Variants in PMFBP1 observed in about 807,000 individuals in gnomAD.
PMFBP1 encodes the protein polyamine-modulated factor 1-binding protein 1.
In PMFBP1, 131 loss-of-function variants were observed where a neutral mutation model predicts 137.8. That is an observed-to-expected ratio of 0.95 (90% CI 0.82 to 1.10). The LOEUF is 1.10. Ranked by LOEUF, PMFBP1 falls within the 50% of genes least tolerant of loss-of-function variation. The pLI is 0.00. For synonymous variants in PMFBP1, 490 were observed against 450.4 expected, an observed-to-expected ratio of 1.09 and a Z score of -1.11; for missense variants, 1,199 against 1,175.4, an observed-to-expected ratio of 1.02 and a Z score of -0.29.
At chr16:72,132,143 G>C (rs4788610) in intron 10 of PMFBP1, among the ~76,000 whole-genome samples, 91,595 of 152,082 alleles carry the variant, frequency 0.6, 28,526 homozygotes, top group African/African-American at 0.75. Flanking sequence ...CCGTGCCTGG[G>C]AAATTCACCC....
rs138147953 is a variant in PMFBP1, at chr16:72,130,226, C to T, written c.1769G>A (p.Arg590His). 47 of 1,613,106 alleles carry T rather than the reference C, an allele frequency of 2.9e-5. No homozygotes were observed. The Admixed American group carries it at 6.0e-4, about 21-fold the overall frequency. Residue 590 changes from arginine (R) to histidine (H), a missense_variant, in exon 12 of 21, where the codon CGT (arginine) becomes CAT (histidine). Physicochemically the swap from Arg to His is conservative, Grantham distance 29. Coordinates refer to ENST00000237353, the MANE Select transcript of PMFBP1 (RefSeq NM_031293.3). ...QDMKMNDMLD[R>H]IKHQHREQGS... ...TGCCCGTCATACCTGGTGCTTGATA[C>T]GATCAAGCATGTCATTCATTTTCAT...
At chr16:72,210,614 T>C in the PMFBP1 span, among the ~76,000 whole-genome samples, 1 of 152,182 alleles carries the variant, frequency 6.6e-6, no homozygotes, top group Non-Finnish European at 1.5e-5. Context: ...ATATTCTTTT[T>C]CAAGCTTTGC....
intron 4 of PMFBP1, among the ~76,000 whole-genome samples, chr16:72,151,242 T>C (rs749020487): frequency 2.9e-4 from 44 of 152,218 alleles, no homozygotes; most frequent in Non-Finnish European, 5.3e-4. Context: ...CACACAGGAC[T>C]ATGTCAGGAA....
chr16:72,232,812 T>A, the PMFBP1 span, among the ~76,000 whole-genome samples: 1 of 152,098 alleles, frequency 6.6e-6, no homozygotes, highest in Non-Finnish European at 1.5e-5. Flanking sequence ...GGAGTTCTGG[T>A]CAGCAAACAT....
intron 9 of PMFBP1, among the ~76,000 whole-genome samples, chr16:72,135,376 T>TG (rs1320124942): frequency 3.6e-4 from 53 of 148,190 alleles, no homozygotes; most frequent in Admixed American, 8.1e-4. Context: ...TTTTTTTTTT[T>TG]TTGTTGTTGT....
chr16:72,236,409 GCTCAAAGGAA>G, the PMFBP1 span, among the ~76,000 whole-genome samples: 1 of 152,186 alleles, frequency 6.6e-6, no homozygotes, highest in African/African-American at 2.4e-5. Flanking sequence ...GAAAGAGAGA[GCTCAAAGGAA>G]CTTGCTAGTT....
the PMFBP1 span, among the ~76,000 whole-genome samples, chr16:72,231,757 A>T: frequency 6.6e-6 from 1 of 152,164 alleles, no homozygotes; most frequent in Admixed American, 6.6e-5. Flanking sequence ...CTGCTGCAAA[A>T]TTTTCTAAGT....
the PMFBP1 span, among the ~76,000 whole-genome samples, chr16:72,213,271 C>T: frequency 2.6e-5 from 4 of 152,148 alleles, no homozygotes; most frequent in African/African-American, 9.7e-5. Context: ...CCCCGTAGTC[C>T]TTTCTTCTAT....
chr16:72,237,254 G>T, the PMFBP1 span, among the ~76,000 whole-genome samples: 1 of 152,154 alleles, frequency 6.6e-6, no homozygotes, highest in Non-Finnish European at 1.5e-5. Flanking sequence ...GTTAGGTTCT[G>T]GTTCTGCTCT....
intron 17 of PMFBP1, 145 bp downstream of exon 17, chr16:72,124,622 C>G: frequency 1.0e-6 from 1 of 990,428 alleles, no homozygotes; most frequent in Non-Finnish European, 1.5e-6. Flanking sequence ...AGCTGTGGCT[C>G]TTGCTTTGTG....
In PMFBP1 at chr16:72,122,915, C is replaced by A; in HGVS notation, c.2767G>T (p.Asp923Tyr). 1 of 1,612,982 alleles carries A rather than the reference C, an allele frequency of 6.2e-7. No individual in the cohort carries two copies. Among genetic ancestry groups the A allele is most frequent in the South Asian group, 1.1e-5 (1 of 91,050 alleles). ...KYIAKLSGEK[D>Y]HLHSVMVHLQ... The stretch of plus-strand genomic sequence containing the variant: ...CCAGGGTGGTTTAAGATGACTTACT[C>A]CTTTTCGCCACTCAGCTTGGCAATG... The change falls in exon 19 of 21, where the codon GAC becomes TAC. Residue 923 changes from aspartate to tyrosine, a missense_variant and splice_region_variant. By Grantham distance (160) the Asp-to-Tyr change is radical (BLOSUM62 -3). Coordinates refer to ENST00000237353, the MANE Select transcript of PMFBP1 (RefSeq NM_031293.3).
chr16:72,196,377 C>A, the PMFBP1 span, among the ~76,000 whole-genome samples: 1 of 152,178 alleles, frequency 6.6e-6, no homozygotes, highest in South Asian at 2.1e-4. Context: ...AGAACTGGCA[C>A]TTCTCTGGCC....
chr16:72,190,436 C>T, the PMFBP1 span, among the ~76,000 whole-genome samples: 83,103 of 152,098 alleles, frequency 0.55, 23,020 homozygotes, highest in South Asian at 0.64. Context: ...CTTCTGACCT[C>T]AGTGAACACA....
the PMFBP1 span, among the ~76,000 whole-genome samples, chr16:72,240,973 G>C: frequency 6.6e-6 from 1 of 151,924 alleles, no homozygotes. Context: ...GAGTGGCAAA[G>C]GTGCAGGTGG....
At chr16:72,161,791 G>C (rs771904651) in intron 3 of PMFBP1, among the ~76,000 whole-genome samples, 7 of 151,924 alleles carry the variant, frequency 4.6e-5, no homozygotes, top group Non-Finnish European at 1.0e-4. Flanking sequence ...ATCCAATCCA[G>C]GATTTCACAT....
At chr16:72,193,982 CTTTT>C in the PMFBP1 span, among the ~76,000 whole-genome samples, 1 of 130,030 alleles carries the variant, frequency 7.7e-6, no homozygotes, top group Non-Finnish European at 1.7e-5. Flanking sequence ...ATCAAGGCTG[CTTTT>C]TTTTTTTTTT....
chr16:72,218,120 T>G, the PMFBP1 span, among the ~76,000 whole-genome samples: 17 of 152,220 alleles, frequency 1.1e-4, no homozygotes, highest in Non-Finnish European at 1.9e-4. Flanking sequence ...GAATCTTATT[T>G]GAATCAATTA....
At chr16:72,209,527 T>G in the PMFBP1 span, among the ~76,000 whole-genome samples, 19 of 152,068 alleles carry the variant, frequency 1.2e-4, no homozygotes, top group African/African-American at 4.3e-4. Context: ...TATGTATATA[T>G]AACTGTATAT....
chr16:72,212,993 G>A, the PMFBP1 span, among the ~76,000 whole-genome samples: 4 of 152,144 alleles, frequency 2.6e-5, no homozygotes, highest in Non-Finnish European at 4.4e-5. Flanking sequence ...TCAATATAAC[G>A]ACATTTCAGA....
Sources: gnomAD v4.1 joint callset for allele counts (sites outside exome capture counted in the v4.1 genomes callset) on GRCh38, gnomAD v4.1.1 for gene constraint, MANE v1.5 for transcripts, NCBI Gene and HGNC (gene_info 2026-07-23, HGNC 2026-07-21) for gene names.